CLCNKB: variants seen among roughly 807,000 people sequenced by gnomAD.
CLCNKB encodes chloride voltage-gated channel Kb.
A neutral mutation model predicts 83.8 loss-of-function variants in CLCNKB; 74 were observed. The observed-to-expected ratio is 0.88, with a 90% confidence interval of 0.73 to 1.07. CLCNKB has a LOEUF of 1.07. Among genes scored for constraint, CLCNKB ranks in the 50% least tolerant of loss-of-function variants. The probability of loss-of-function intolerance (pLI) is 0.00; values close to 1 mark genes in which losing one functional copy is unlikely to be tolerated. For missense variants in CLCNKB, 798 were observed against 893.6 expected (o/e 0.89, Z 1.36); for synonymous variants, 358 against 356.6 (o/e 1.00, Z -0.04).
chr1:16,048,448 A>G (rs2023171669), intron 6 of CLCNKB, 28 bp downstream of exon 6: 20 of 1,613,334 alleles, frequency 1.2e-5, no homozygotes, highest in Non-Finnish European at 1.7e-5. Context: ...TTCCTTGGAG[A>G]AATGGGAGTG....
Position 16,051,109 on chromosome 1 carries a change from G to GGA in CLCNKB, c.1227+61_1227+62insGA, listed in dbSNP as rs1553127866. 11 of 1,610,744 alleles carry GGA rather than the reference G, an allele frequency of 6.8e-6. No homozygotes were observed. In the African/African-American group the frequency reaches 1.5e-4, roughly 22 times the overall value. ...GGACCAGCTCTGGTGGTGGTGGGGG[G>GGA]TACCTCATCGCAGCTGGTGGCATGG... is the stretch of plus-strand genomic sequence containing the variant. On this transcript the variant is annotated intron_variant, in intron 12 of 19. Coordinates refer to ENST00000375679, the MANE Select transcript of CLCNKB (RefSeq NM_000085.5).
At position 16,050,598 on chromosome 1, in the gene CLCNKB, C is replaced by T. The variant is rs368504008; in HGVS notation, c.1051C>T (p.Arg351Trp). The change falls in exon 11 of 20, where the codon CGG becomes TGG. Residue 351 changes from arginine to tryptophan, a missense_variant and splice_region_variant. Coordinates refer to ENST00000375679, the MANE Select transcript of CLCNKB (RefSeq NM_000085.5). ...CAGCGCCGGCCGCTTCCTAGCTTCT[C>T]GGGTAAGGGGCCTTGAGTGGGGTGG... ...PPSAGRFLASRLSMKQHLDSL... is the reference protein window; with the variant it reads ...PPSAGRFLASWLSMKQHLDSL... 8.1e-6 allele frequency: 13 copies of T among 1,613,986 alleles called. No individual in the cohort carries two copies. Among genetic ancestry groups the T allele is most frequent in the South Asian group, 2.2e-5 (2 of 91,082 alleles).
rs757435404 is a variant in CLCNKB at position 16,051,751 on chromosome 1, A to G, written c.1339A>G (p.Ile447Val). 3 of 1,613,668 alleles carry G rather than the reference A, an allele frequency of 1.9e-6. No homozygotes were observed. Among genetic ancestry groups the G allele is most frequent in the South Asian group, 1.1e-5 (1 of 91,068 alleles). Reference protein sequence around the residue: ...GRLFGETLSFIFPEGIVAGGI... With the variant: ...GRLFGETLSFVFPEGIVAGGI... ...CCTCTTTGGGGAGACTCTCTCTTTT[A>G]TCTTCCCTGAGGGCATCGTGGCTGG... Residue 447 changes from isoleucine to valine, a missense_variant, in exon 14 of 20, where the codon ATC becomes GTC. Physicochemically the swap from Ile to Val is conservative, Grantham distance 29. Coordinates refer to ENST00000375679, the MANE Select transcript of CLCNKB (RefSeq NM_000085.5).
intron 1 of CLCNKB, 103 bp from the exon 2 acceptor site, chr1:16,044,383 A>ACACACACACACTCAC: frequency 1.2e-6 from 1 of 851,890 alleles, no homozygotes; most frequent in Non-Finnish European, 1.9e-6. Context: ...ACACACGCAC[A>ACACACACACACTCAC]ATCTTTCCTC....
Position 16,048,004 on chromosome 1 carries a change from G to A in CLCNKB, c.458G>A (p.Cys153Tyr). Residue 153 changes from cysteine to tyrosine, a missense_variant, in exon 5 of 20, where the codon TGC (cysteine) becomes TAC (tyrosine). Cys to Tyr is a radical substitution (Grantham distance 194). Coordinates refer to ENST00000375679, the MANE Select transcript of CLCNKB (RefSeq NM_000085.5). ...GGGGCCAAAGTGGTGGGCCTCTCCTGCACCCTGGCCTGTGGCAGCACCCTC... is the reference window on the plus strand; with the variant it reads ...GGGGCCAAAGTGGTGGGCCTCTCCTACACCCTGGCCTGTGGCAGCACCCTC... Reference protein sequence around the residue: ...NFGAKVVGLSCTLACGSTLFL... With the variant: ...NFGAKVVGLSYTLACGSTLFL... 4 of 1,614,072 alleles carry A rather than the reference G, an allele frequency of 2.5e-6. No individual in the cohort carries two copies. The highest frequency in any genetic ancestry group is 3.4e-6 in the Non-Finnish European group (4 of 1,180,006).
intron 10 of CLCNKB, 57 bp downstream of exon 10, chr1:16,049,973 C>A: frequency 7.0e-7 from 1 of 1,436,834 alleles, no homozygotes; most frequent in Non-Finnish European, 9.8e-7. Flanking sequence ...TCACCGTACT[C>A]CCAACCTTAT....
At chr1:16,051,639 C>G in intron 13 of CLCNKB, 71 bp from the exon 14 acceptor site, 3 of 1,600,044 alleles carry the variant, frequency 1.9e-6, no homozygotes, top group Non-Finnish European at 2.6e-6. Flanking sequence ...GTACTGAGGA[C>G]GGTCCTCAGG....
intron 11 of CLCNKB, 108 bp from the exon 12 acceptor site, chr1:16,050,767 G>A (rs1426137270): frequency 1.1e-5 from 18 of 1,565,246 alleles, no homozygotes; most frequent in East Asian, 4.6e-5. Flanking sequence ...AAGGCCCCCC[G>A]CTGGGAAGTG....
intron 3 of CLCNKB, 95 bp downstream of exon 3, chr1:16,045,781 G>GT: frequency 7.8e-7 from 1 of 1,285,704 alleles, no homozygotes; most frequent in Admixed American, 2.0e-5. Flanking sequence ...GCGGAGGTTG[G>GT]GGGGGGTGCT....
intron 2 of CLCNKB, 61 bp downstream of exon 2, chr1:16,044,653 A>T (rs896996647): frequency 4.3e-6 from 6 of 1,379,976 alleles, no homozygotes; most frequent in Non-Finnish European, 6.1e-6. Context: ...ATTCCTGCCC[A>T]GCTCCCACCC....
At chr1:16,056,012 G>T (rs1447267427) in intron 18 of CLCNKB, among the ~76,000 whole-genome samples, 2 of 152,212 alleles carry the variant, frequency 1.3e-5, no homozygotes, top group Non-Finnish European at 2.9e-5. Context: ...TAAATCTCTG[G>T]GTGGAGAAAG....
chr1:16,056,524 G>C lies in CLCNKB; in HGVS notation c.2016+16G>C. The stretch of plus-strand genomic sequence containing the variant: ...CTGGGTGGAGGTACCAGGGTCCCGG[G>C]GGCAGAGCAAAGCAGGGAACCTATG... On this transcript the variant is annotated intron_variant, in intron 19 of 19. Transcript: ENST00000375679. The C allele has an allele frequency of 6.2e-7, 1 of 1,612,258 alleles. No individual in the cohort carries two copies. Among genetic ancestry groups the C allele is most frequent in the South Asian group, 1.1e-5 (1 of 90,978 alleles).
chr1:16,043,947 G>T (rs1355470869), intron 1 of CLCNKB, 67 bp downstream of exon 1: 1 of 73,234 alleles, frequency 1.4e-5, no homozygotes, highest in African/African-American at 4.6e-5. Context: ...GGGGGGGGGT[G>T]GTAAGGGCAG....
At chr1:16,044,379 G>A (rs2863438) in intron 1 of CLCNKB, 107 bp from the exon 2 acceptor site, 1,311 of 604,898 alleles carry the variant, frequency 2.2e-3, no homozygotes, top group Non-Finnish European at 2.9e-3. Flanking sequence ...ACACACACAC[G>A]CACAATCTTT....
chr1:16,046,763 C>A, intron 4 of CLCNKB, 100 bp downstream of exon 4: 1 of 1,476,356 alleles, frequency 6.8e-7, no homozygotes, highest in African/African-American at 1.4e-5. Context: ...GACAAAGGCC[C>A]AGGAAGAGTC....
rs756257313 is a variant in CLCNKB, at chr1:16,048,338, T to G, written c.499-5T>G. 1 of 1,613,922 alleles carries G rather than the reference T, an allele frequency of 6.2e-7. No individual in the cohort carries two copies. Among genetic ancestry groups the G allele is most frequent in the Non-Finnish European group, 8.5e-7 (1 of 1,179,978 alleles). Reference sequence around the variant, plus strand: ...TGGGCCCTGGGCCCACCCTTCTCTCTGCAGGGCCCTTTCGTGCACCTGTCT... The same window carrying G: ...TGGGCCCTGGGCCCACCCTTCTCTCGGCAGGGCCCTTTCGTGCACCTGTCT... On this transcript the variant is annotated splice_region_variant and splice_polypyrimidine_tract_variant and intron_variant, in intron 5 of 19. Transcript: ENST00000375679.
chr1:16,045,601 G>A lies in CLCNKB; in HGVS notation c.144G>A (p.Glu48=), dbSNP rs2023076642. The A allele has an allele frequency of 1.2e-6, 2 of 1,613,936 alleles. No homozygotes were observed. Among genetic ancestry groups the A allele is most frequent in the Non-Finnish European group, 1.7e-6 (2 of 1,179,940 alleles). ...AGCAGAAGCTCTTCCGCCTGGGCGAGGACTGGTACTTCCTGATGACCCTCG... is the reference window on the plus strand; with the variant it reads ...AGCAGAAGCTCTTCCGCCTGGGCGAAGACTGGTACTTCCTGATGACCCTCG... The part of the protein sequence containing the change: ...WLKQKLFRLG[E]DWYFLMTLGV... The change falls in exon 3 of 20, where the codon GAG becomes GAA. Residue 48 remains glutamate (E), a synonymous_variant. Transcript: ENST00000375679.
At chr1:16,050,737 G>T in intron 11 of CLCNKB, 137 bp downstream of exon 11, 1 of 1,488,732 alleles carries the variant, frequency 6.7e-7, no homozygotes, top group South Asian at 1.2e-5. Context: ...CTACAGCTTC[G>T]GGAGGTCAGA....
rs35860889 is a variant in CLCNKB, at chr1:16,044,878, C to A, written c.100+286C>A. ...CAGGCCTCTCCCTCACCTACCTGTG[C>A]CAATGAGGGGACGTGGGGGTTAGCT... On this transcript the variant is annotated intron_variant, in intron 2 of 19. Transcript: ENST00000375679. Among the ~76,000 whole-genome samples, 828 of 152,374 alleles carry A rather than the reference C, an allele frequency of 5.4e-3. 11 individuals are homozygous for A. The highest frequency in any genetic ancestry group is 0.018 in the African/African-American group (759 of 41,588).
Sources: gnomAD v4.1 joint callset for allele counts (sites outside exome capture counted in the v4.1 genomes callset) on GRCh38, gnomAD v4.1.1 for gene constraint, MANE v1.5 for transcripts, NCBI Gene and HGNC (gene_info 2026-07-23, HGNC 2026-07-21) for gene names.